TNS3: variants seen among roughly 807,000 people sequenced by gnomAD.
TNS3 encodes tensin-3.
In TNS3, 45 loss-of-function variants were observed where a neutral mutation model predicts 140.9. That is an observed-to-expected ratio of 0.32 (90% CI 0.25 to 0.41). The LOEUF (loss-of-function observed/expected upper bound fraction) is 0.41. TNS3 is among the 10% of genes least tolerant of loss of function. The pLI is 1.00. For missense variants in TNS3, 1,716 were observed against 1,906.7 expected, an observed-to-expected ratio of 0.90 and a Z score of 1.86; for synonymous variants, 815 against 788.4, an observed-to-expected ratio of 1.03 and a Z score of -0.56.
At position 47,512,085 on chromosome 7, in the gene TNS3, C is replaced by T. The variant is rs570037454; in HGVS notation, c.-152-5141G>A. Among the ~76,000 whole-genome samples, 17 of 152,332 alleles carry T rather than the reference C, an allele frequency of 1.1e-4. 1 individual carries two copies. The South Asian group carries it at 2.7e-3, about 24-fold the overall frequency. On this transcript the variant is annotated intron_variant, in intron 2 of 30. Coordinates refer to ENST00000311160, the MANE Select transcript of TNS3 (RefSeq NM_022748.12). ...CAGAGCGGAAGCTGCCTGCCCTGGG[C>T]GACAGAGCAGGTTAAGCAGTGACAC...
chr7:47,484,065 T>C (rs758945383), intron 3 of TNS3, among the ~76,000 whole-genome samples: 2 of 152,244 alleles, frequency 1.3e-5, no homozygotes, highest in African/African-American at 2.4e-5. Flanking sequence ...CAGGCAGCCT[T>C]GCCCTGAGCC....
chr7:47,532,159 G>A (rs1306264827), intron 1 of TNS3, among the ~76,000 whole-genome samples: 4 of 152,066 alleles, frequency 2.6e-5, no homozygotes, highest in Non-Finnish European at 4.4e-5. Flanking sequence ...ATCTCAGAGC[G>A]GGATTGGGGA....
At position 47,563,494 on chromosome 7, in the gene TNS3, C is replaced by G. The variant is rs183561274; in HGVS notation, c.-265+18557G>C. ...TCACTAGCAAGACTGAGTGCCCAAC[C>G]TCTGAAGCCAGGATGCTCATTCCCT... On this transcript the variant is annotated intron_variant, in intron 1 of 30. Coordinates refer to ENST00000311160, the MANE Select transcript of TNS3 (RefSeq NM_022748.12). 1.9e-4 allele frequency among the ~76,000 whole-genome samples: 29 copies of G among 152,304 alleles called. No homozygotes were observed. The East Asian group carries it at 5.2e-3, about 27-fold the overall frequency.
In TNS3 at chr7:47,414,008, G is replaced by C. The variant is rs1217895535; in HGVS notation, c.587-11C>G. 2 of 1,613,802 alleles carry C rather than the reference G, an allele frequency of 1.2e-6. No individual in the cohort carries two copies. Among genetic ancestry groups the C allele is most frequent in the East Asian group, 2.2e-5 (1 of 44,848 alleles). On this transcript the variant is annotated splice_polypyrimidine_tract_variant and intron_variant, in intron 11 of 30. Transcript: ENST00000311160. The stretch of plus-strand genomic sequence containing the variant: ...GAAAGGGCCGGCACACTGAAAGAAA[G>C]GCACAACTGTCTGTAGAGGCATGAC...
chr7:47,575,684 G>T (rs573109495), intron 1 of TNS3, among the ~76,000 whole-genome samples: 1 of 151,996 alleles, frequency 6.6e-6, no homozygotes, highest in African/African-American at 2.4e-5. Context: ...GCAGCCAGGC[G>T]TAGTGGCAGG....
chr7:47,480,671 A>T lies in TNS3; in HGVS notation c.-76+432T>A, dbSNP rs546754635. 5.9e-5 allele frequency among the ~76,000 whole-genome samples: 9 copies of T among 152,246 alleles called. No individual in the cohort carries two copies. The East Asian group carries it at 1.5e-3, about 26-fold the overall frequency. On this transcript the variant is annotated intron_variant, in intron 4 of 30. Transcript: ENST00000311160. ...TTCAATCTGATTTGAACACACACACACACACCCAGTATTTGTCAGAGCTGG... is the reference window on the plus strand; with the variant it reads ...TTCAATCTGATTTGAACACACACACTCACACCCAGTATTTGTCAGAGCTGG...
intron 7 of TNS3, 124 bp downstream of exon 7, chr7:47,437,139 G>A (rs1366588477): frequency 5.0e-6 from 3 of 596,956 alleles, no homozygotes; most frequent in Non-Finnish European, 8.7e-6. Flanking sequence ...TAATTGATAT[G>A]AACAATTCCT....
chr7:47,519,856 C>T lies in TNS3; in HGVS notation c.-153+9180G>A, dbSNP rs537077288. Among the ~76,000 whole-genome samples the T allele has an allele frequency of 1.8e-3, 232 of 129,434 alleles. 1 individual carries two copies. The highest frequency in any genetic ancestry group is 5.6e-3 in the Middle Eastern group (1 of 178). 84.9% of individuals were successfully genotyped at this position (129,434 alleles called of 152,430 possible). A position where few individuals can be genotyped will look rare whatever the true frequency, so the allele number is the denominator to read the frequency against. ...TTTTTTTTTTTGAGACGGAGTCTCG[C>T]TCTGTTGCCCAGGCTGGAGTGCAGT... On this transcript the variant is annotated intron_variant, in intron 2 of 30. Transcript: ENST00000311160.
At chr7:47,328,532 A>G (rs1454721662) in intron 20 of TNS3, among the ~76,000 whole-genome samples, 1 of 146,552 alleles carries the variant, frequency 6.8e-6, no homozygotes, top group Non-Finnish European at 1.5e-5. Flanking sequence ...GGGACCCCAC[A>G]CTCACAGCAG....
chr7:47,355,844 G>A (rs926819649), intron 17 of TNS3, among the ~76,000 whole-genome samples: 1 of 152,134 alleles, frequency 6.6e-6, no homozygotes. Context: ...CAGATCCCAG[G>A]CCCTGAGGCT....
Position 47,369,164 on chromosome 7 carries a change from C to T in TNS3, c.1482G>A (p.Gly494=). Residue 494 remains glycine, a synonymous_variant, in exon 17 of 31, where the codon GGG becomes GGA. Coordinates refer to ENST00000311160, the MANE Select transcript of TNS3 (RefSeq NM_022748.12). ...GAGGCCCTTCCGAGGAGGACAGGGT[C>T]CCAAGGCTGTCCACACTGTGCAGGT... ...HHDLHSVDSL[G]TLSSSEGPQS... 6.2e-7 allele frequency: 1 copy of T among 1,614,096 alleles called. No homozygotes were observed. Among genetic ancestry groups the T allele is most frequent in the Non-Finnish European group, 8.5e-7 (1 of 1,180,036 alleles).
intron 20 of TNS3, among the ~76,000 whole-genome samples, chr7:47,313,362 G>A (rs1303607057): frequency 2.0e-5 from 3 of 152,198 alleles, no homozygotes; most frequent in African/African-American, 7.2e-5. Context: ...TAGAGGGAGA[G>A]GTTCAGAGCA....
In TNS3 at chr7:47,452,882, G is replaced by A. The variant is rs10259628; in HGVS notation, c.-75-10827C>T. On this transcript the variant is annotated intron_variant, in intron 4 of 30. Transcript: ENST00000311160. ...GAGGGTGGCCAGGGACAGACAAAGT[G>A]CCCAGTGCCAGCCCAGCCGAGAGGC... is the stretch of plus-strand genomic sequence containing the variant. 3,701 of 980,820 alleles carry A rather than the reference G, an allele frequency of 3.8e-3. 104 individuals are homozygous for A. In the African/African-American group the frequency reaches 0.059, roughly 16 times the overall value. The allele number at this position is 980,820 out of a possible 1,614,324, so 60.8% of individuals were successfully genotyped here.
intron 3 of TNS3, among the ~76,000 whole-genome samples, chr7:47,494,867 T>C (rs766623744): frequency 7.2e-5 from 11 of 152,088 alleles, no homozygotes; most frequent in African/African-American, 1.9e-4. Context: ...GGGAAACCCA[T>C]GGTGAAACAA....
chr7:47,520,557 A>G (rs1798936678), intron 2 of TNS3, among the ~76,000 whole-genome samples: 1 of 152,236 alleles, frequency 6.6e-6, no homozygotes, highest in Non-Finnish European at 1.5e-5. Flanking sequence ...CTTCCCAGCC[A>G]CAGAGTTAGA....
chr7:47,278,225 C>T lies in TNS3; in HGVS notation c.4194-5G>A. Reference sequence around the variant, plus strand: ...CGGGCCACAAATCCAAAGACTCTGCCAAAGGAAAGTCCAGTCAGAGTGGTC... The same window carrying T: ...CGGGCCACAAATCCAAAGACTCTGCTAAAGGAAAGTCCAGTCAGAGTGGTC... On this transcript the variant is annotated splice_region_variant and splice_polypyrimidine_tract_variant and intron_variant, in intron 30 of 30. Coordinates refer to ENST00000311160, the MANE Select transcript of TNS3 (RefSeq NM_022748.12). The T allele has an allele frequency of 6.2e-7, 1 of 1,613,074 alleles. No homozygotes were observed. The highest frequency in any genetic ancestry group is 1.1e-5 in the South Asian group (1 of 90,794).
At chr7:47,468,810 C>T (rs1796827278) in intron 4 of TNS3, among the ~76,000 whole-genome samples, 1 of 152,070 alleles carries the variant, frequency 6.6e-6, no homozygotes, top group African/African-American at 2.4e-5. Flanking sequence ...AGAACAAAGC[C>T]AAAGGCATCA....
At chr7:47,324,374 A>T (rs1239774580) in intron 20 of TNS3, among the ~76,000 whole-genome samples, 2 of 152,242 alleles carry the variant, frequency 1.3e-5, no homozygotes, top group Non-Finnish European at 2.9e-5. Context: ...CACAGATGAA[A>T]TTGGGAGGGT....
chr7:47,469,802 T>C (rs374425221), intron 4 of TNS3, among the ~76,000 whole-genome samples: 22 of 151,882 alleles, frequency 1.4e-4, no homozygotes, highest in African/African-American at 5.1e-4. Context: ...GGTGAAACAC[T>C]GTCCCTGATA....
Sources: allele counts gnomAD v4.1 joint callset (sites outside exome capture counted in the v4.1 genomes callset), GRCh38; gene constraint gnomAD v4.1.1; transcripts MANE v1.5; gene names NCBI Gene and HGNC (gene_info 2026-07-23, HGNC 2026-07-21).